Variants in SLC16A4 observed in about 807,000 individuals in gnomAD.
SLC16A4 encodes probable monocarboxylate transporter 5.
A neutral mutation model predicts 47.9 loss-of-function variants in SLC16A4; 39 were observed. That is an observed-to-expected ratio of 0.81 (90% CI 0.63 to 1.06). The LOEUF is 1.06. Among genes scored for constraint, SLC16A4 ranks in the 50% least tolerant of loss-of-function variants. The pLI is 0.00. For synonymous variants in SLC16A4, 189 were observed against 199.9 expected (o/e 0.95, Z 0.46); for missense variants, 524 against 573.8 (o/e 0.91, Z 0.89).
chr1:110,382,929 G>C lies in SLC16A4; in HGVS notation c.125C>G (p.Ala42Gly). ...TTCTTGAAAGACCACAAAGAAAATTGCAAAAGTCTTGGTCATCCCCATCAC... is the reference window on the plus strand; with the variant it reads ...TTCTTGAAAGACCACAAAGAAAATTCCAAAAGTCTTGGTCATCCCCATCAC... ...VFVMGMTKTFAIFFVVFQEEF... is the reference protein window; with the variant it reads ...VFVMGMTKTFGIFFVVFQEEF... The change falls in exon 3 of 9, where the codon GCA becomes GGA. Residue 42 changes from alanine to glycine, a missense_variant. By Grantham distance (60) the Ala-to-Gly change is moderately conservative. Coordinates refer to ENST00000369779, the MANE Select transcript of SLC16A4 (RefSeq NM_004696.3). 6.2e-7 allele frequency: 1 copy of C among 1,612,092 alleles called. No individual in the cohort carries two copies. Among genetic ancestry groups the C allele is most frequent in the Non-Finnish European group, 8.5e-7 (1 of 1,178,694 alleles).
intron 8 of SLC16A4, chr1:110,372,128 A>C (rs145800078): frequency 6.6e-6 from 1 of 151,966 alleles, no homozygotes; most frequent in East Asian, 1.9e-4. Context: ...TTTCTTTTTT[A>C]TTTTTATACA....
At chr1:110,372,755 T>A (rs1437095731) in intron 8 of SLC16A4, 2 of 152,202 alleles carry the variant, frequency 1.3e-5, no homozygotes, top group East Asian at 1.9e-4. Flanking sequence ...TTCCTTTGAC[T>A]TTTTTGTAGA....
In SLC16A4 at chr1:110,389,329, C is replaced by G. The variant is rs753601997; in HGVS notation, c.-6G>C. On this transcript the variant is annotated 5_prime_UTR_variant, in exon 2 of 9. Coordinates refer to ENST00000369779, the MANE Select transcript of SLC16A4 (RefSeq NM_004696.3). Reference sequence around the variant, plus strand: ...TTCCCCTCCCTCTTCAGCATGATGCCTCTTCTATTTTAAATGCAGAAGATC... The same window carrying G: ...TTCCCCTCCCTCTTCAGCATGATGCGTCTTCTATTTTAAATGCAGAAGATC... The G allele has an allele frequency of 1.2e-6, 2 of 1,601,540 alleles. No homozygotes were observed. The highest frequency in any genetic ancestry group is 1.7e-5 in the Admixed American group (1 of 59,960).
At chr1:110,389,449 G>T in intron 1 of SLC16A4, 94 bp from the exon 2 acceptor site, 1 of 809,740 alleles carries the variant, frequency 1.2e-6, no homozygotes, top group South Asian at 1.6e-5. Flanking sequence ...TACATTGTTG[G>T]TGGGAATGCA....
intron 8 of SLC16A4, among the ~76,000 whole-genome samples, chr1:110,367,131 T>C (rs527652839): frequency 2.0e-5 from 3 of 152,376 alleles, no homozygotes; most frequent in African/African-American, 7.2e-5. Context: ...TAGTTAAGTT[T>C]TGAGCTTCGT....
rs1397899662 is a variant in SLC16A4, at chr1:110,363,851, T to G, written c.1379A>C (p.Tyr460Ser). The change falls in exon 9 of 9, where the codon TAC becomes TCC. Residue 460 changes from tyrosine (Y) to serine (S), a missense_variant. Physicochemically the swap from Tyr to Ser is moderately radical, Grantham distance 144 (BLOSUM62 -2). Coordinates refer to ENST00000369779, the MANE Select transcript of SLC16A4 (RefSeq NM_004696.3). ...GAGGAGATAGCATATGCCAGAGAAG[T>G]AGAAAGAGCCATTGTATGTCTGGGT... Reference protein sequence around the residue: ...DYTQTYNGSFYFSGICYLLSS... With the variant: ...DYTQTYNGSFSFSGICYLLSS... 4 of 1,612,978 alleles carry G rather than the reference T, an allele frequency of 2.5e-6. No homozygotes were observed. Among genetic ancestry groups the G allele is most frequent in the Non-Finnish European group, 3.4e-6 (4 of 1,179,608 alleles).
At chr1:110,380,806 G>A (rs573639014) in intron 5 of SLC16A4, among the ~76,000 whole-genome samples, 176 bp downstream of exon 5, 45 of 152,260 alleles carry the variant, frequency 3.0e-4, no homozygotes, top group African/African-American at 7.7e-4. Flanking sequence ...TCTCTTTTGC[G>A]TATGTATTCT....
intron 8 of SLC16A4, among the ~76,000 whole-genome samples, chr1:110,367,989 C>T (rs891127747): frequency 5.9e-5 from 9 of 151,988 alleles, no homozygotes; most frequent in Admixed American, 1.3e-4. Flanking sequence ...CCACCGTGCC[C>T]GGCTAATTTT....
intron 8 of SLC16A4, chr1:110,371,882 T>G (rs1408254213): frequency 6.6e-6 from 1 of 152,228 alleles, no homozygotes; most frequent in African/African-American, 2.4e-5. Context: ...AGAGGAGGTG[T>G]GGGGACCGGT....
intron 7 of SLC16A4, among the ~76,000 whole-genome samples, chr1:110,376,189 T>A (rs1043738215): frequency 1.3e-5 from 2 of 152,184 alleles, no homozygotes; most frequent in African/African-American, 4.8e-5. Context: ...ACGGTGATAT[T>A]CTTGAATCCT....
rs750230521 is a variant in SLC16A4 at position 110,375,410 on chromosome 1, C to G, written c.1336+48G>C. Reference sequence around the variant, plus strand: ...TACCATTAATCCTGGATCAGTTTTTCTCTTTTATTGCTATTGAAATTTGTT... The same window carrying G: ...TACCATTAATCCTGGATCAGTTTTTGTCTTTTATTGCTATTGAAATTTGTT... On this transcript the variant is annotated intron_variant, in intron 8 of 8. Transcript: ENST00000369779. 2.9e-6 allele frequency: 3 copies of G among 1,043,676 alleles called. No homozygotes were observed. The Admixed American group carries it at 5.2e-5, about 18-fold the overall frequency. The allele number at this position is 1,043,676 out of a possible 1,614,324, so 64.7% of individuals were successfully genotyped here.
At chr1:110,388,539 A>G (rs1181587594) in intron 2 of SLC16A4, among the ~76,000 whole-genome samples, 1 of 152,140 alleles carries the variant, frequency 6.6e-6, no homozygotes, top group Non-Finnish European at 1.5e-5. Flanking sequence ...TGAACTGGGG[A>G]GATCACCCCC....
In SLC16A4 at chr1:110,363,776, C is replaced by G. The variant is rs748954079; in HGVS notation, c.1454G>C (p.Ser485Thr). The change falls in exon 9 of 9, where the codon AGT becomes ACT. Residue 485 changes from serine (S) to threonine (T), a missense_variant. Coordinates refer to ENST00000369779, the MANE Select transcript of SLC16A4 (RefSeq NM_004696.3). Reference sequence around the variant, plus strand: ...GCAGTCTTCTTTCTTTCAGGTCAGACTGTTTTTCCATCTTTCGGCCAATGG... The same window carrying G: ...GCAGTCTTCTTTCTTTCAGGTCAGAGTGTTTTTCCATCTTTCGGCCAATGG... Reference protein sequence around the residue: ...FVPLAERWKNSLT With the variant: ...FVPLAERWKNTLT The G allele has an allele frequency of 2.5e-6, 4 of 1,608,036 alleles. No homozygotes were observed. Among genetic ancestry groups the G allele is most frequent in the Non-Finnish European group, 3.4e-6 (4 of 1,177,930 alleles).
At chr1:110,378,366 T>C (rs1662132674) in intron 6 of SLC16A4, among the ~76,000 whole-genome samples, 1 of 152,180 alleles carries the variant, frequency 6.6e-6, no homozygotes, top group African/African-American at 2.4e-5. Context: ...ATTATCCCTA[T>C]ATTACAGATG....
At chr1:110,373,456 C>T (rs1341454896) in intron 8 of SLC16A4, among the ~76,000 whole-genome samples, 1 of 152,058 alleles carries the variant, frequency 6.6e-6, no homozygotes, top group African/African-American at 2.4e-5. Context: ...TATTTGGCCT[C>T]CTTTTACTAG....
At chr1:110,374,333 G>A (rs1292597857) in intron 8 of SLC16A4, among the ~76,000 whole-genome samples, 1 of 152,180 alleles carries the variant, frequency 6.6e-6, no homozygotes, top group South Asian at 2.1e-4. Context: ...GAGCCACTGC[G>A]CCTGGCCCCT....
At chr1:110,387,558 TCA>T (rs1016195453) in intron 2 of SLC16A4, among the ~76,000 whole-genome samples, 18 of 152,216 alleles carry the variant, frequency 1.2e-4, no homozygotes, top group African/African-American at 4.3e-4. Context: ...GTAAGCAGTA[TCA>T]CACCCTAAAA....
At position 110,363,714 on chromosome 1, in the gene SLC16A4, T is replaced by C. The variant is rs1490214629; in HGVS notation, c.*52A>G. 6.6e-7 allele frequency: 1 copy of C among 1,504,276 alleles called. No homozygotes were observed. The highest frequency in any genetic ancestry group is 1.4e-5 in the African/African-American group (1 of 70,144). 93.2% of individuals were successfully genotyped at this position (1,504,276 alleles called of 1,614,324 possible). On this transcript the variant is annotated 3_prime_UTR_variant, in exon 9 of 9. Coordinates refer to ENST00000369779, the MANE Select transcript of SLC16A4 (RefSeq NM_004696.3). ...TTCAAGCTTTTGTTTCCAATGACAT[T>C]AGTTTAGGTTTTCTTTTGTTTAGCT... is the stretch of plus-strand genomic sequence containing the variant.
chr1:110,375,431 T>C, intron 8 of SLC16A4, 27 bp downstream of exon 8: 1 of 1,301,356 alleles, frequency 7.7e-7, no homozygotes, highest in East Asian at 2.3e-5. Context: ...CTATTGAAAT[T>C]TGTTCAGAAT....
Sources: gnomAD v4.1 joint callset for allele counts (sites outside exome capture counted in the v4.1 genomes callset) on GRCh38, gnomAD v4.1.1 for gene constraint, MANE v1.5 for transcripts, NCBI Gene and HGNC (gene_info 2026-07-23, HGNC 2026-07-21) for gene names.